Variants in RYR2 observed in about 807,000 individuals in gnomAD.
The protein encoded by RYR2 is ryanodine receptor 2.
RYR2 carries 227 observed loss-of-function variants against 601.1 expected under a neutral mutation model. The observed-to-expected ratio is 0.38, with a 90% confidence interval of 0.34 to 0.42. The LOEUF is 0.42. RYR2 is among the 10% of genes least tolerant of loss of function. The pLI, the probability that RYR2 is intolerant of heterozygous loss-of-function variation, is 1.00. For missense variants in RYR2, 4,646 were observed against 6,156.5 expected, an observed-to-expected ratio of 0.75 and a Z score of 8.21; for synonymous variants, 2,223 against 2,175.1, an observed-to-expected ratio of 1.02 and a Z score of -0.61.
intron 1 of RYR2, among the ~76,000 whole-genome samples, chr1:237,184,790 A>G (rs1679167687): frequency 6.6e-6 from 1 of 152,114 alleles, no homozygotes; most frequent in South Asian, 2.1e-4. Flanking sequence ...AATTAAAAGT[A>G]TACAGAACTT....
Position 237,187,492 on chromosome 1 carries a change from G to A in RYR2, c.49-83005G>A, listed in dbSNP as rs938570906. On this transcript the variant is annotated intron_variant, in intron 1 of 104. Coordinates refer to ENST00000366574, the MANE Select transcript of RYR2 (RefSeq NM_001035.3). Reference sequence around the variant, plus strand: ...CAAGTCTCACTCTGTCACTCAGGCTGAAGTGCAGTGGCATGGTCACAGCTC... The same window carrying A: ...CAAGTCTCACTCTGTCACTCAGGCTAAAGTGCAGTGGCATGGTCACAGCTC... 4.7e-5 allele frequency among the ~76,000 whole-genome samples: 6 copies of A among 128,142 alleles called. No individual in the cohort carries two copies. The Admixed American group carries it at 6.1e-4, about 13-fold the overall frequency. The allele number at this position is 128,142 out of a possible 152,430, so 84.1% of individuals were successfully genotyped here. A position where few individuals can be genotyped will look rare whatever the true frequency, so the allele number is the denominator to read the frequency against.
intron 58 of RYR2, among the ~76,000 whole-genome samples, chr1:237,672,688 T>C (rs1023022575): frequency 1.3e-5 from 2 of 152,334 alleles, no homozygotes; most frequent in African/African-American, 4.8e-5. Flanking sequence ...GTGTCCTGTT[T>C]AATTATATCT....
intron 1 of RYR2, among the ~76,000 whole-genome samples, chr1:237,214,863 T>C (rs1393168731): frequency 6.6e-6 from 1 of 152,160 alleles, no homozygotes; most frequent in Non-Finnish European, 1.5e-5. Context: ...ATGTGAGAAA[T>C]GTACTTGGAA....
intron 97 of RYR2, among the ~76,000 whole-genome samples, chr1:237,798,805 T>TAC (rs1252059083): frequency 7.4e-6 from 1 of 134,554 alleles, no homozygotes; most frequent in African/African-American, 3.2e-5. Context: ...CACACACATA[T>TAC]AGTGTGAGTG....
At chr1:237,288,282 AGTTGGCT>A (rs1290129267) in intron 2 of RYR2, among the ~76,000 whole-genome samples, 1 of 152,146 alleles carries the variant, frequency 6.6e-6, no homozygotes, top group Non-Finnish European at 1.5e-5. Context: ...CTTTTGTGCT[AGTTGGCT>A]GCCTGCCAGG....
intron 1 of RYR2, among the ~76,000 whole-genome samples, chr1:237,221,519 A>G (rs1410923434): frequency 6.6e-6 from 1 of 152,222 alleles, no homozygotes; most frequent in African/African-American, 2.4e-5. Flanking sequence ...TATTTTAAAA[A>G]GAGAGGGATA....
At chr1:237,750,311 T>C (rs923499703) in intron 80 of RYR2, among the ~76,000 whole-genome samples, 1 of 151,948 alleles carries the variant, frequency 6.6e-6, no homozygotes, top group Non-Finnish European at 1.5e-5. Flanking sequence ...CTTCCAAGAA[T>C]AGAAAGAAAC....
intron 36 of RYR2, among the ~76,000 whole-genome samples, chr1:237,613,785 A>G (rs1678157537): frequency 6.6e-6 from 1 of 152,188 alleles, no homozygotes; most frequent in South Asian, 2.1e-4. Context: ...GAAATGGGGT[A>G]TTTCACATTT....
intron 51 of RYR2, among the ~76,000 whole-genome samples, chr1:237,653,518 G>T (rs565816796): frequency 6.6e-6 from 1 of 152,162 alleles, no homozygotes; most frequent in African/African-American, 2.4e-5. Context: ...AAAATTGGGC[G>T]TCTGGTCTTC....
chr1:237,260,443 A>G (rs1035240068), intron 1 of RYR2, among the ~76,000 whole-genome samples: 1 of 152,242 alleles, frequency 6.6e-6, no homozygotes, highest in Non-Finnish European at 1.5e-5. Flanking sequence ...ATGTAGGAGC[A>G]TGACAATTTG....
intron 1 of RYR2, among the ~76,000 whole-genome samples, chr1:237,114,393 G>C (rs1004354750): frequency 1.3e-5 from 2 of 152,148 alleles, no homozygotes; most frequent in Non-Finnish European, 2.9e-5. Flanking sequence ...GTCACATTAA[G>C]GCTTTTGAAG....
At chr1:237,233,977 C>G (rs1238361490) in intron 1 of RYR2, among the ~76,000 whole-genome samples, 4 of 152,148 alleles carry the variant, frequency 2.6e-5, no homozygotes, top group African/African-American at 9.7e-5. Flanking sequence ...CAGGTGTGAG[C>G]CACTGCACCC....
chr1:237,330,998 A>C lies in RYR2; in HGVS notation c.273+16A>C. On this transcript the variant is annotated intron_variant, in intron 3 of 104. Coordinates refer to ENST00000366574, the MANE Select transcript of RYR2 (RefSeq NM_001035.3). The stretch of plus-strand genomic sequence containing the variant: ...ATCAGAAGGGGCAAGTACCCAATTT[A>C]TGTAGACTTGTAGTATTTTAATGAG... 6.3e-7 allele frequency: 1 copy of C among 1,587,074 alleles called. No individual in the cohort carries two copies. Among genetic ancestry groups the C allele is most frequent in the Non-Finnish European group, 8.7e-7 (1 of 1,155,408 alleles).
In RYR2 at chr1:237,180,572, G is replaced by A. The variant is rs1192601606; in HGVS notation, c.49-89925G>A. 6.7e-6 allele frequency among the ~76,000 whole-genome samples: 1 copy of A among 148,984 alleles called. No homozygotes were observed. The highest frequency in any genetic ancestry group is 1.5e-5 in the Non-Finnish European group (1 of 67,506). ...GAAAAAAACCCAAATATATATATGT[G>A]TGTGTGTGTATATATGTATATATAA... is the stretch of plus-strand genomic sequence containing the variant. On this transcript the variant is annotated intron_variant, in intron 1 of 104. Transcript: ENST00000366574. This position sits in a 1 kb window ranked among gnomAD's most constrained non-coding sequence, Gnocchi z 5.3.
chr1:237,269,818 A>G (rs1281956904), intron 1 of RYR2, among the ~76,000 whole-genome samples: 3 of 152,172 alleles, frequency 2.0e-5, no homozygotes, highest in Non-Finnish European at 4.4e-5. Context: ...CACTGCCTGT[A>G]TTGAGTCATT....
chr1:237,681,876 C>T (rs537281315), intron 62 of RYR2, among the ~76,000 whole-genome samples: 11 of 152,302 alleles, frequency 7.2e-5, no homozygotes, highest in East Asian at 5.8e-4. Context: ...TACCCTTAAA[C>T]GTCGTGAAAT....
At chr1:237,094,417 G>A (rs576270319) in intron 1 of RYR2, among the ~76,000 whole-genome samples, 2 of 152,216 alleles carry the variant, frequency 1.3e-5, no homozygotes, top group South Asian at 2.1e-4. Context: ...CCATAGTATC[G>A]TTTCTGTTTT....
At chr1:237,134,543 C>T (rs905376542) in intron 1 of RYR2, among the ~76,000 whole-genome samples, 4 of 152,034 alleles carry the variant, frequency 2.6e-5, no homozygotes, top group African/African-American at 9.7e-5. Context: ...AAAGACCTGC[C>T]CCCATGATTC....
At chr1:237,134,159 C>G (rs545040749) in intron 1 of RYR2, among the ~76,000 whole-genome samples, 1 of 152,228 alleles carries the variant, frequency 6.6e-6, no homozygotes, top group Admixed American at 6.5e-5. Flanking sequence ...GTTCAGGAAA[C>G]CTTGAAGTTC....
Sources: allele counts gnomAD v4.1 joint callset (sites outside exome capture counted in the v4.1 genomes callset), GRCh38; gene constraint gnomAD v4.1.1; non-coding constraint Gnocchi (gnomAD v3.1); transcripts MANE v1.5; gene names NCBI Gene and HGNC (gene_info 2026-07-23, HGNC 2026-07-21).